The following TCF4 variants were observed in gnomAD, a reference collection of about 807,000 sequenced individuals.
The protein encoded by TCF4 is SL3-3 enhancer factor 2.
In TCF4, 3 loss-of-function variants were observed where a neutral mutation model predicts 82.1. The observed-to-expected ratio is 0.04, with a 90% confidence interval of 0.02 to 0.09. The LOEUF (loss-of-function observed/expected upper bound fraction) is 0.09, where lower values mean the gene tolerates loss of function less well. Ranked by LOEUF, TCF4 falls within the 10% of genes least tolerant of loss-of-function variation. TCF4 has a pLI of 1.00. For missense variants in TCF4, 518 were observed against 852.7 expected, an observed-to-expected ratio of 0.61 and a Z score of 4.89; for synonymous variants, 276 against 309.6, an observed-to-expected ratio of 0.89 and a Z score of 1.14.
chr18:55,557,881 G>A (rs999597704), intron 3 of TCF4, among the ~76,000 whole-genome samples: 1 of 152,022 alleles, frequency 6.6e-6, no homozygotes, highest in African/African-American at 2.4e-5. Flanking sequence ...AGTCTGACAT[G>A]TCCAGACTGA....
intron 2 of TCF4, among the ~76,000 whole-genome samples, chr18:55,613,172 A>G (rs755772266): frequency 3.4e-4 from 51 of 152,064 alleles, no homozygotes; most frequent in Non-Finnish European, 6.3e-4. Context: ...GCTTTGATAT[A>G]TATATATATG....
upstream of TCF4, chr18:55,589,804 A>C: frequency 1.1e-5 from 11 of 1,008,794 alleles, no homozygotes; most frequent in Non-Finnish European, 1.2e-5. Flanking sequence ...CTGCGGGCTT[A>C]TAAAGAGAAG....
At chr18:55,466,129 T>C (rs1037137867) in intron 3 of TCF4, among the ~76,000 whole-genome samples, 8 of 152,188 alleles carry the variant, frequency 5.3e-5, no homozygotes, top group African/African-American at 1.9e-4. Context: ...GTGTTGCTAG[T>C]GGCATTGATC....
chr18:55,555,271 T>A (rs1273971198), intron 3 of TCF4, among the ~76,000 whole-genome samples: 1 of 152,068 alleles, frequency 6.6e-6, no homozygotes, highest in African/African-American at 2.4e-5. Context: ...ATTCAAACAA[T>A]GCGAATACTA....
chr18:55,466,455 C>G (rs774333476), intron 3 of TCF4, among the ~76,000 whole-genome samples: 1 of 152,056 alleles, frequency 6.6e-6, no homozygotes, highest in African/African-American at 2.4e-5. Context: ...TACGATTGTG[C>G]CACTGCACTC....
intron 8 of TCF4, among the ~76,000 whole-genome samples, chr18:55,303,236 C>CACACACACACACACACACACACACCCCT (rs1568860732): frequency 6.1e-5 from 9 of 148,428 alleles, no homozygotes; most frequent in Non-Finnish European, 1.0e-4. Flanking sequence ...TACACACACA[C>CACACACACACACACACACACACACCCCT]ACACACACAC....
At chr18:55,460,640 A>T (rs993297279) in intron 5 of TCF4, among the ~76,000 whole-genome samples, 1 of 152,226 alleles carries the variant, frequency 6.6e-6, no homozygotes, top group Non-Finnish European at 1.5e-5. Context: ...CACTGACTAT[A>T]TATCACTGCC....
intron 2 of TCF4, among the ~76,000 whole-genome samples, chr18:55,605,436 G>A (rs1278005330): frequency 6.6e-6 from 1 of 152,172 alleles, no homozygotes; most frequent in Non-Finnish European, 1.5e-5. Flanking sequence ...CAGAAATAAA[G>A]GTCAGTGGGC....
At chr18:55,541,058 C>T (rs1352576025) in intron 3 of TCF4, among the ~76,000 whole-genome samples, 1 of 151,968 alleles carries the variant, frequency 6.6e-6, no homozygotes, top group African/African-American at 2.4e-5. Flanking sequence ...TTGAAGACCA[C>T]TGAATTAGAA....
intron 8 of TCF4, chr18:55,321,330 T>G: frequency 6.7e-6 from 2 of 297,930 alleles, no homozygotes; most frequent in Non-Finnish European, 6.4e-6. Flanking sequence ...CTAACAGTCA[T>G]TTGGAAGGAA....
chr18:55,289,902 G>C (rs1601560012), intron 8 of TCF4, among the ~76,000 whole-genome samples: 1 of 151,930 alleles, frequency 6.6e-6, no homozygotes, highest in South Asian at 2.1e-4. Flanking sequence ...AAAATGTGCA[G>C]GTGTGCTTGG....
intron 5 of TCF4, among the ~76,000 whole-genome samples, chr18:55,426,821 C>T (rs1167703554): frequency 6.6e-6 from 1 of 151,856 alleles, no homozygotes; most frequent in African/African-American, 2.4e-5. Flanking sequence ...CAAACATATA[C>T]AAACACAGAC....
At chr18:55,589,735 C>CA (rs1282156686), upstream of TCF4, 8 of 1,022,572 alleles carry the variant, frequency 7.8e-6, no homozygotes, top group African/African-American at 1.4e-4. Flanking sequence ...CCCGTGGAGT[C>CA]ACATTGATAA....
intron 5 of TCF4, among the ~76,000 whole-genome samples, chr18:55,459,503 A>C (rs1407751291): frequency 6.6e-6 from 1 of 152,198 alleles, no homozygotes; most frequent in African/African-American, 2.4e-5. Context: ...TTAGGATCCA[A>C]GGAAGTTAGT....
chr18:55,518,386 G>GA (rs1382179446), intron 3 of TCF4, among the ~76,000 whole-genome samples: 2 of 151,972 alleles, frequency 1.3e-5, no homozygotes, highest in Non-Finnish European at 2.9e-5. Flanking sequence ...AAACAAAAAT[G>GA]AAAAAACGTG....
At chr18:55,373,746 G>C (rs1358647995) in intron 6 of TCF4, among the ~76,000 whole-genome samples, 2 of 152,056 alleles carry the variant, frequency 1.3e-5, no homozygotes, top group East Asian at 3.9e-4. Flanking sequence ...CCGGGAGCCG[G>C]AGGTTGCACT....
At chr18:55,263,750 C>T (rs2058534947) in intron 11 of TCF4, among the ~76,000 whole-genome samples, 1 of 150,270 alleles carries the variant, frequency 6.7e-6, no homozygotes, top group Non-Finnish European at 1.5e-5. Context: ...TTCCTAGAAG[C>T]GATATTTCTT....
Position 55,316,858 on chromosome 18 carries a change from T to A in TCF4, c.549+33501A>T, listed in dbSNP as rs542340735. Among the ~76,000 whole-genome samples, 5 of 152,218 alleles carry A rather than the reference T, an allele frequency of 3.3e-5. No individual in the cohort carries two copies. In the South Asian group the frequency reaches 1.0e-3, roughly 32 times the overall value. The stretch of plus-strand genomic sequence containing the variant: ...ATGCCATCACCCAGCGACAGAAGGA[T>A]GCTTTACCAACACTATATTTAAAAT... On this transcript the variant is annotated intron_variant, in intron 8 of 19. Transcript: ENST00000354452.
At chr18:55,414,630 A>G (rs1406439970) in intron 5 of TCF4, among the ~76,000 whole-genome samples, 1 of 152,142 alleles carries the variant, frequency 6.6e-6, no homozygotes, top group Non-Finnish European at 1.5e-5. Flanking sequence ...CACTCATTAC[A>G]CAGAGCCCTG....
Sources: gnomAD v4.1 joint callset for allele counts (sites outside exome capture counted in the v4.1 genomes callset) on GRCh38, gnomAD v4.1.1 for gene constraint, MANE v1.5 for transcripts, NCBI Gene and HGNC (gene_info 2026-07-23, HGNC 2026-07-21) for gene names.